The following MUC5AC variants were observed in gnomAD, a reference collection of about 807,000 sequenced individuals.
MUC5AC encodes the protein mucin-5AC.
Under a neutral mutation model 169.7 loss-of-function variants are expected in MUC5AC, and 158 were observed. That is an observed-to-expected ratio of 0.93 (90% CI 0.82 to 1.06). The LOEUF (loss-of-function observed/expected upper bound fraction) is 1.06. Ranked by LOEUF, MUC5AC falls within the 50% of genes least tolerant of loss-of-function variation. The probability of loss-of-function intolerance (pLI) is 0.00; values close to 1 mark genes in which losing one functional copy is unlikely to be tolerated. For synonymous variants in MUC5AC, 1,975 were observed against 1,237.0 expected (o/e 1.60, Z -12.52); for missense variants, 4,359 against 3,089.9 (o/e 1.41, Z -9.74).
At position 1,168,794 on chromosome 11, in the gene MUC5AC, TTCTGGGCTTGGAGCCCACCCAC is replaced by T; in HGVS notation, c.1705+21_1706-41del. 6.3e-7 allele frequency: 1 copy of T among 1,589,362 alleles called. No individual in the cohort carries two copies. The highest frequency in any genetic ancestry group is 8.6e-7 in the Non-Finnish European group (1 of 1,163,532). On this transcript the variant is annotated intron_variant, in intron 14 of 48. Transcript: ENST00000621226. ...GCAGACCTGCGGTAAGAGGGCTGCCTTCTGGGCTTGGAGCCCACCCACTCTGGCCAGGGCGCATGGTCCTCAA... is the reference window on the plus strand; with the variant it reads ...GCAGACCTGCGGTAAGAGGGCTGCCTTCTGGCCAGGGCGCATGGTCCTCAA...
rs1212581144 is a variant in MUC5AC, at chr11:1,186,493, C to A, written c.8348C>A (p.Ala2783Asp). 16 of 694,376 alleles carry A rather than the reference C, an allele frequency of 2.3e-5. No individual in the cohort carries two copies. The highest frequency in any genetic ancestry group is 2.1e-4 in the East Asian group (8 of 37,222). 43.0% of individuals were successfully genotyped at this position (694,376 alleles called of 1,614,324 possible). A position where few individuals can be genotyped will look rare whatever the true frequency, so the allele number is the denominator to read the frequency against. Reference sequence around the variant, plus strand: ...GCTACTACAACCAGCACAATCTCTGCCCCTACAACCAGCACAACTTTGTCT... The same window carrying A: ...GCTACTACAACCAGCACAATCTCTGACCCTACAACCAGCACAACTTTGTCT... ...TSATTTSTIS[A>D]PTTSTTLSPT... The change falls in exon 31 of 49, where the codon GCC (alanine) becomes GAC (aspartate). Residue 2783 changes from alanine (A) to aspartate (D), a missense_variant. Coordinates refer to ENST00000621226, the MANE Select transcript of MUC5AC (RefSeq NM_001304359.2).
At position 1,198,297 on chromosome 11, in the gene MUC5AC, C is replaced by T. The variant is rs56057232; in HGVS notation, c.16165C>T (p.Leu5389=). 1.6e-4 allele frequency: 117 copies of T among 753,916 alleles called. 1 individual carries two copies. In the African/African-American group the frequency reaches 1.6e-3, roughly 10 times the overall value. 46.7% of individuals were successfully genotyped at this position (753,916 alleles called of 1,614,324 possible). Residue 5389 remains leucine (L), a synonymous_variant, in exon 43 of 49, where the codon CTG becomes TTG. Transcript: ENST00000621226. The stretch of plus-strand genomic sequence containing the variant: ...GACAGTGTGCAGCATCAACGGGACC[C>T]TGTACCAGGTAAGAGCCACGGAGCT... The part of the protein sequence containing the change: ...SWTVCSINGT[L]YQPGAVVSSS...
Position 1,189,813 on chromosome 11 carries a change from C to A in MUC5AC, c.11668C>A (p.Pro3890Thr), listed in dbSNP as rs1861046030. 9 of 736,466 alleles carry A rather than the reference C, an allele frequency of 1.2e-5. No individual in the cohort carries two copies. In the Admixed American group the frequency reaches 1.7e-4, roughly 14 times the overall value. 45.6% of individuals were successfully genotyped at this position (736,466 alleles called of 1,614,324 possible). A position where few individuals can be genotyped will look rare whatever the true frequency, so the allele number is the denominator to read the frequency against. The change falls in exon 31 of 49, where the codon CCC becomes ACC. Residue 3890 changes from proline to threonine, a missense_variant. Coordinates refer to ENST00000621226, the MANE Select transcript of MUC5AC (RefSeq NM_001304359.2). The part of the protein sequence containing the change: ...TSFHTTSTTS[P>T]PTSSTSSTPQ... Reference sequence around the variant, plus strand: ...TTTCCATACAACCAGCACAACCTCTCCCCCTACAAGCAGCACAAGCTCCAC... The same window carrying A: ...TTTCCATACAACCAGCACAACCTCTACCCCTACAAGCAGCACAAGCTCCAC...
Position 1,168,744 on chromosome 11 carries a change from T to C in MUC5AC, c.1670T>C (p.Met557Thr). Residue 557 changes from methionine (M) to threonine (T), a missense_variant, in exon 14 of 49, where the codon ATG (methionine) becomes ACG (threonine). By Grantham distance (81) the Met-to-Thr change is moderately conservative. Coordinates refer to ENST00000621226, the MANE Select transcript of MUC5AC (RefSeq NM_001304359.2). ...LQLVPTMQLF[M>T]QLAPKLRGQT... ...CTGGTGCCCACCATGCAGCTGTTCATGCAGCTGGCGCCCAAGCTCCGTGGG... is the reference window on the plus strand; with the variant it reads ...CTGGTGCCCACCATGCAGCTGTTCACGCAGCTGGCGCCCAAGCTCCGTGGG... 1.2e-6 allele frequency: 2 copies of C among 1,608,248 alleles called. No individual in the cohort carries two copies. Among genetic ancestry groups the C allele is most frequent in the Non-Finnish European group, 1.7e-6 (2 of 1,176,290 alleles).
At chr11:1,172,778 C>T (rs1442147298) in intron 16 of MUC5AC, among the ~76,000 whole-genome samples, 1 of 151,410 alleles carries the variant, frequency 6.6e-6, no homozygotes, top group Non-Finnish European at 1.5e-5. Flanking sequence ...ACCCGTTCAC[C>T]CATTCACTCA....
intron 15 of MUC5AC, among the ~76,000 whole-genome samples, chr11:1,170,697 CCACT>C (rs1860486544): frequency 8.1e-6 from 1 of 123,022 alleles, no homozygotes; most frequent in Admixed American, 8.1e-5. Flanking sequence ...ACCCACTCAC[CCACT>C]CACTCACCCA....
In MUC5AC at chr11:1,191,068, C is replaced by T. The variant is rs1861081711; in HGVS notation, c.12923C>T (p.Ala4308Val). ...GTTCCCACCACCAGCACAACCTCTGCTCCTACAACTAGCACAACCTCTGGT... is the reference window on the plus strand; with the variant it reads ...GTTCCCACCACCAGCACAACCTCTGTTCCTACAACTAGCACAACCTCTGGT... ...SPVPTTSTTS[A>V]PTTSTTSGPG... The change falls in exon 31 of 49, where the codon GCT becomes GTT. Residue 4308 changes from alanine to valine, a missense_variant. Physicochemically the swap from Ala to Val is moderately conservative, Grantham distance 64. Transcript: ENST00000621226. 4 of 752,150 alleles carry T rather than the reference C, an allele frequency of 5.3e-6. No individual in the cohort carries two copies. Among genetic ancestry groups the T allele is most frequent in the Admixed American group, 5.2e-5 (3 of 58,020 alleles). The allele number at this position is 752,150 out of a possible 1,614,324, so 46.6% of individuals were successfully genotyped here.
intron 12 of MUC5AC, among the ~76,000 whole-genome samples, 193 bp downstream of exon 12, chr11:1,168,180 C>T (rs1860389709): frequency 6.6e-6 from 1 of 152,190 alleles, no homozygotes; most frequent in East Asian, 1.9e-4. Context: ...GGCCGGGCCT[C>T]CCGGGCCGCC....
At chr11:1,176,900 T>C (rs1860699972) in intron 21 of MUC5AC, 28 bp from the exon 22 acceptor site, 2 of 398,644 alleles carry the variant, frequency 5.0e-6, no homozygotes, top group Admixed American at 4.4e-5. Flanking sequence ...CTGTGTGTGC[T>C]CTAGCCTGAC....
rs55641382 is a variant in MUC5AC at position 1,163,771 on chromosome 11, G to A, written c.680-111G>A. On this transcript the variant is annotated intron_variant, in intron 6 of 48. Coordinates refer to ENST00000621226, the MANE Select transcript of MUC5AC (RefSeq NM_001304359.2). Reference sequence around the variant, plus strand: ...TCCAGATGGGGCAGGAGCCACCGATGGCCCTTCTAACCCCACCCCAGGGAC... The same window carrying A: ...TCCAGATGGGGCAGGAGCCACCGATAGCCCTTCTAACCCCACCCCAGGGAC... 2.3e-3 allele frequency: 1,866 copies of A among 802,264 alleles called. 47 individuals carry two copies. The East Asian group carries it at 0.041, about 18-fold the overall frequency. 49.7% of individuals were successfully genotyped at this position (802,264 alleles called of 1,614,324 possible). A position where few individuals can be genotyped will look rare whatever the true frequency, so the allele number is the denominator to read the frequency against.
At position 1,185,568 on chromosome 11, in the gene MUC5AC, A is replaced by C; in HGVS notation, c.7423A>C (p.Ser2475Arg). 1.4e-6 allele frequency: 1 copy of C among 721,358 alleles called. No homozygotes were observed. The highest frequency in any genetic ancestry group is 2.5e-6 in the Non-Finnish European group (1 of 395,448). The allele number at this position is 721,358 out of a possible 1,614,324, so 44.7% of individuals were successfully genotyped here. ...AAGAACAACTTCTGCTCCTAAAAGC[A>C]GCACAACCTCTGCCGCTACAACCAG... ...TTRTTSAPKS[S>R]TTSAATTSTT... The change falls in exon 31 of 49, where the codon AGC (serine) becomes CGC (arginine). Residue 2475 changes from serine (S) to arginine (R), a missense_variant. Ser to Arg is a moderately radical substitution (Grantham distance 110). Coordinates refer to ENST00000621226, the MANE Select transcript of MUC5AC (RefSeq NM_001304359.2).
At chr11:1,198,406 A>G (rs2075843) in intron 43 of MUC5AC, 101 bp downstream of exon 43, 502,414 of 689,674 alleles carry the variant, frequency 0.73, 186,802 homozygotes, top group Non-Finnish European at 0.79. Flanking sequence ...ACTCCGGCCG[A>G]GGCCAGGGAC....
chr11:1,192,967 G>T lies in MUC5AC; in HGVS notation c.14565G>T (p.Ala4855=), dbSNP rs1040055889. The change falls in exon 32 of 49, where the codon GCG becomes GCT. Residue 4855 remains alanine (A), a synonymous_variant. Transcript: ENST00000621226. The part of the protein sequence containing the change: ...EPVTELGCPN[A]VPPRKKGETW... ...TCACTGAGCTGGGATGCCCAAATGC[G>T]GTTCCCCCCAGAAAGGTAACCCCCT... 2.8e-6 allele frequency: 2 copies of T among 722,910 alleles called. No individual in the cohort carries two copies. The highest frequency in any genetic ancestry group is 1.4e-5 in the South Asian group (1 of 70,208). 44.8% of individuals were successfully genotyped at this position (722,910 alleles called of 1,614,324 possible).
intron 48 of MUC5AC, 124 bp from the exon 49 acceptor site, chr11:1,200,314 C>T (rs1807565512): frequency 1.7e-6 from 1 of 602,008 alleles, no homozygotes; most frequent in Non-Finnish European, 3.0e-6. Context: ...GGTTGTCAGA[C>T]ACTGGCAGCA....
Position 1,178,520 on chromosome 11 carries a change from T to C in MUC5AC, c.3164T>C (p.Val1055Ala). 1 of 1,275,758 alleles carries C rather than the reference T, an allele frequency of 7.8e-7. No individual in the cohort carries two copies. Among genetic ancestry groups the C allele is most frequent in the Non-Finnish European group, 1.0e-6 (1 of 970,094 alleles). The allele number at this position is 1,275,758 out of a possible 1,614,324, so 79.0% of individuals were successfully genotyped here. A position where few individuals can be genotyped will look rare whatever the true frequency, so the allele number is the denominator to read the frequency against. The change falls in exon 25 of 49, where the codon GTG (valine) becomes GCG (alanine). Residue 1055 changes from valine (V) to alanine (A), a missense_variant. Val to Ala is a moderately conservative substitution (Grantham distance 64). Coordinates refer to ENST00000621226, the MANE Select transcript of MUC5AC (RefSeq NM_001304359.2). ...TTTGCCACGCGGAGCCGGTCTGTGG[T>C]GGGGGACGTGCTGGAGTTTGGGAAC... ...NDFATRSRSV[V>A]GDVLEFGNSW...
Position 1,193,605 on chromosome 11 carries a change from C to A in MUC5AC, c.14701C>A (p.Pro4901Thr). The A allele has an allele frequency of 1.3e-6, 1 of 765,016 alleles. No individual in the cohort carries two copies. The highest frequency in any genetic ancestry group is 2.4e-6 in the Non-Finnish European group (1 of 417,850). 47.4% of individuals were successfully genotyped at this position (765,016 alleles called of 1,614,324 possible). Residue 4901 changes from proline to threonine, a missense_variant, in exon 33 of 49, where the codon CCG becomes ACG. Coordinates refer to ENST00000621226, the MANE Select transcript of MUC5AC (RefSeq NM_001304359.2). ...GAAGCCCACTTGTGCCAACGGCTAC[C>A]CGGCTGTGAAGGTGGCTGACCAAGA... ...VEKPTCANGY[P>T]AVKVADQDGC... is the part of the protein sequence containing the mutation.
In MUC5AC at chr11:1,188,958, T is replaced by C; in HGVS notation, c.10813T>C (p.Phe3605Leu). The C allele has an allele frequency of 1.4e-6, 1 of 710,358 alleles. No individual in the cohort carries two copies. Among genetic ancestry groups the C allele is most frequent in the Admixed American group, 2.0e-5 (1 of 49,592 alleles). The allele number at this position is 710,358 out of a possible 1,614,324, so 44.0% of individuals were successfully genotyped here. Residue 3605 changes from phenylalanine (F) to leucine (L), a missense_variant, in exon 31 of 49, where the codon TTC (phenylalanine) becomes CTC (leucine). Transcript: ENST00000621226. ...CCGGAACCAGGACCAGCAGGGACCCTTCAAGATGTGCCTCAACTACGAGGT... is the reference window on the plus strand; with the variant it reads ...CCGGAACCAGGACCAGCAGGGACCCCTCAAGATGTGCCTCAACTACGAGGT... Reference protein sequence around the residue: ...VCRNQDQQGPFKMCLNYEVRV... With the variant: ...VCRNQDQQGPLKMCLNYEVRV...
At chr11:1,196,331 C>T (rs1267241683) in intron 37 of MUC5AC, 57 bp from the exon 38 acceptor site, 8 of 757,922 alleles carry the variant, frequency 1.1e-5, no homozygotes, top group East Asian at 4.9e-5. Context: ...CAGCGGCCCG[C>T]GTTGCTCTGG....
chr11:1,174,838 C>T (rs1333625603), intron 17 of MUC5AC, 44 bp from the exon 18 acceptor site: 7 of 427,304 alleles, frequency 1.6e-5, no homozygotes, highest in South Asian at 6.1e-5. Context: ...TGCCCACTGC[C>T]GGGCTGTGTG....
Sources: allele counts gnomAD v4.1 joint callset (sites outside exome capture counted in the v4.1 genomes callset), GRCh38; gene constraint gnomAD v4.1.1; transcripts MANE v1.5; gene names NCBI Gene and HGNC (gene_info 2026-07-23, HGNC 2026-07-21).